Variants in ZMYND8 observed in about 807,000 individuals in gnomAD.
ZMYND8 encodes the protein MYND-type zinc finger-containing chromatin reader ZMYND8.
A neutral mutation model predicts 140.8 loss-of-function variants in ZMYND8; 37 were observed. The ratio of observed to expected loss-of-function variants is 0.26; its 90% CI spans 0.20 to 0.35. ZMYND8 has a LOEUF of 0.35. Among genes scored for constraint, ZMYND8 ranks in the 10% least tolerant of loss-of-function variants. ZMYND8 has a pLI of 1.00. For missense variants in ZMYND8, 1,068 were observed against 1,570.0 expected (o/e 0.68, Z 5.40); for synonymous variants, 592 against 597.1 (o/e 0.99, Z 0.12).
At chr20:47,222,302 G>A (rs1422474696) in intron 19 of ZMYND8, among the ~76,000 whole-genome samples, 3 of 152,200 alleles carry the variant, frequency 2.0e-5, no homozygotes, top group Non-Finnish European at 4.4e-5. Flanking sequence ...TTGGGAGGCT[G>A]AGGCGGGCAG....
chr20:47,355,404 A>C, intron 1 of ZMYND8: 1 of 981,444 alleles, frequency 1.0e-6, no homozygotes, highest in South Asian at 4.7e-5. Context: ...AATGTTCGCA[A>C]AACTCTTCAA....
At chr20:47,319,491 ATCTT>A in intron 2 of ZMYND8, 1 of 189,578 alleles carries the variant, frequency 5.3e-6, no homozygotes, top group Non-Finnish European at 1.1e-5. Flanking sequence ...GAGAAAACCC[ATCTT>A]TTATACTTGA....
In ZMYND8 at chr20:47,356,154, G is replaced by C. The variant is rs546186964; in HGVS notation, c.14+503C>G. 6.3e-4 allele frequency among the ~76,000 whole-genome samples: 96 copies of C among 151,874 alleles called. 1 individual carries two copies. Among genetic ancestry groups the C allele is most frequent in the African/African-American group, 2.1e-3 (89 of 41,402 alleles). ...AGCCTTCCCAGAACCTCTTTGGAGAGGCAAACTTGCCTGCTCTGCTGTCTG... is the reference window on the plus strand; with the variant it reads ...AGCCTTCCCAGAACCTCTTTGGAGACGCAAACTTGCCTGCTCTGCTGTCTG... On this transcript the variant is annotated intron_variant, in intron 1 of 22. Transcript: ENST00000471951.
At chr20:47,347,107 G>A (rs932785295) in intron 2 of ZMYND8, among the ~76,000 whole-genome samples, 4 of 152,172 alleles carry the variant, frequency 2.6e-5, no homozygotes, top group African/African-American at 9.7e-5. Context: ...TTGAAGGAAT[G>A]AAAACACCTT....
chr20:47,218,993 G>T (rs1395007919), intron 21 of ZMYND8, among the ~76,000 whole-genome samples: 1 of 151,476 alleles, frequency 6.6e-6, no homozygotes, highest in African/African-American at 2.4e-5. Context: ...GAGGCGGGAG[G>T]ATCACTTGAG....
intron 18 of ZMYND8, among the ~76,000 whole-genome samples, chr20:47,225,765 G>C (rs1441999683): frequency 6.6e-6 from 1 of 151,570 alleles, no homozygotes; most frequent in East Asian, 1.9e-4. Flanking sequence ...GCTAAGTTTT[G>C]GCCAGCCCAC....
intron 8 of ZMYND8, among the ~76,000 whole-genome samples, chr20:47,284,339 A>G (rs2076791431): frequency 2.0e-5 from 3 of 151,966 alleles, no homozygotes; most frequent in Non-Finnish European, 4.4e-5. Context: ...CATTCCCCCC[A>G]CCCACAGGGA....
chr20:47,305,955 C>T (rs1014962399), intron 3 of ZMYND8, among the ~76,000 whole-genome samples: 5 of 152,214 alleles, frequency 3.3e-5, no homozygotes, highest in African/African-American at 1.2e-4. Flanking sequence ...GACCCTCCTC[C>T]ACAAAACGCC....
chr20:47,349,941 T>G (rs1355965573), intron 1 of ZMYND8: 11 of 1,535,246 alleles, frequency 7.2e-6, no homozygotes, highest in Non-Finnish European at 9.6e-6. Flanking sequence ...AACCATTATT[T>G]GGCTTGTAAC....
chr20:47,291,806 G>T lies in ZMYND8; in HGVS notation c.650C>A (p.Thr217Lys). 1 of 1,612,546 alleles carries T rather than the reference G, an allele frequency of 6.2e-7. No individual in the cohort carries two copies. The change falls in exon 6 of 23, where the codon ACA becomes AAA. Residue 217 changes from threonine (T) to lysine (K), a missense_variant. Physicochemically the swap from Thr to Lys is moderately conservative, Grantham distance 78. This residue lies in a region of ZMYND8 where 109 missense variants were observed against 314.9 expected (regional missense o/e 0.35). Coordinates refer to ENST00000471951, the MANE Select transcript of ZMYND8 (RefSeq NM_001281775.3). ...TTGACGGAGGCCAACCTTTTCCAAT[G>T]TACAAAGGTCCATTGGATGGAAGAT... is the stretch of plus-strand genomic sequence containing the variant. ...EYIFHPMDLC[T>K]LEKNAKKKMY...
chr20:47,352,370 G>A (rs539792938), intron 1 of ZMYND8: 1 of 830,718 alleles, frequency 1.2e-6, no homozygotes, highest in Admixed American at 6.2e-5. Flanking sequence ...CAAATACCCA[G>A]CCCTCTGAAG....
chr20:47,311,051 C>T (rs1342227044), intron 2 of ZMYND8, among the ~76,000 whole-genome samples: 3 of 152,150 alleles, frequency 2.0e-5, no homozygotes, highest in Admixed American at 6.5e-5. Context: ...ACCAGGAAGG[C>T]CATACTTCAA....
chr20:47,245,859 CAG>C lies in ZMYND8; in HGVS notation c.2284+147_2284+148del, dbSNP rs1387639817. On this transcript the variant is annotated intron_variant, in intron 14 of 22. Transcript: ENST00000471951. ...TAGCTAGGCAACCTTAAACCAAACA[CAG>C]CTTCACTGTGCCTCTCTCTCAGTGT... The C allele has an allele frequency of 4.0e-6, 5 of 1,248,576 alleles. No individual in the cohort carries two copies. In the Admixed American group the frequency reaches 9.1e-5, roughly 23 times the overall value. The allele number at this position is 1,248,576 out of a possible 1,614,324, so 77.3% of individuals were successfully genotyped here. A position where few individuals can be genotyped will look rare whatever the true frequency, so the allele number is the denominator to read the frequency against.
At chr20:47,263,398 G>T (rs1351303977) in intron 11 of ZMYND8, among the ~76,000 whole-genome samples, 3 of 152,178 alleles carry the variant, frequency 2.0e-5, no homozygotes, top group Non-Finnish European at 4.4e-5. Flanking sequence ...CTCCCCAGGG[G>T]CTTCGAAAGT....
At chr20:47,212,179 C>G (rs761896094) in intron 22 of ZMYND8, among the ~76,000 whole-genome samples, 3 of 152,202 alleles carry the variant, frequency 2.0e-5, no homozygotes, top group African/African-American at 4.8e-5. Context: ...GGTCAAACCA[C>G]ATCAAGTCCT....
At chr20:47,216,591 T>C (rs961562665) in intron 21 of ZMYND8, among the ~76,000 whole-genome samples, 6 of 147,060 alleles carry the variant, frequency 4.1e-5, no homozygotes, top group African/African-American at 1.5e-4. Flanking sequence ...TGAAATCACC[T>C]GAGGTCAGGG....
At chr20:47,349,725 G>T in intron 1 of ZMYND8, 1 of 1,250,690 alleles carries the variant, frequency 8.0e-7, no homozygotes, top group Non-Finnish European at 1.1e-6. Context: ...TCTCTAGCAT[G>T]AAGTATGTGA....
chr20:47,319,146 C>A, intron 2 of ZMYND8: 1 of 824,310 alleles, frequency 1.2e-6, no homozygotes, highest in Non-Finnish European at 1.8e-6. Flanking sequence ...CATTAGGTCG[C>A]CCGGCGGGGC....
rs370288922 is a variant in ZMYND8, at chr20:47,256,489, G to A, written c.1621+5799C>T. ...CAAAAAATTAGCCAGGCATGGTGGC[G>A]GGCACCTGTAGTCCCAGCTACTTGG... On this transcript the variant is annotated intron_variant, in intron 12 of 22. Transcript: ENST00000471951. Among the ~76,000 whole-genome samples, 39 of 151,984 alleles carry A rather than the reference G, an allele frequency of 2.6e-4. 1 individual carries two copies. In the East Asian group the frequency reaches 7.2e-3, roughly 28 times the overall value.
Sources: allele counts gnomAD v4.1 joint callset (sites outside exome capture counted in the v4.1 genomes callset), GRCh38; gene constraint gnomAD v4.1.1; regional missense constraint gnomAD v4.1.1; transcripts MANE v1.5; gene names NCBI Gene and HGNC (gene_info 2026-07-23, HGNC 2026-07-21).